Variants in ANKRD44 observed in about 807,000 individuals in gnomAD.
The protein encoded by ANKRD44 is serine/threonine-protein phosphatase 6 regulatory ankyrin repeat subunit B.
Under a neutral mutation model 116.0 loss-of-function variants are expected in ANKRD44, and 35 were observed. The observed-to-expected ratio is 0.30, with a 90% CI of 0.23 to 0.40. The LOEUF is 0.40. Among genes scored for constraint, ANKRD44 ranks in the 10% least tolerant of loss-of-function variants. The probability of loss-of-function intolerance (pLI) is 1.00; values close to 1 mark genes in which losing one functional copy is unlikely to be tolerated. For synonymous variants in ANKRD44, 435 were observed against 461.8 expected, an observed-to-expected ratio of 0.94 and a Z score of 0.74; for missense variants, 1,014 against 1,242.6, an observed-to-expected ratio of 0.82 and a Z score of 2.77.
intron 8 of ANKRD44, 42 bp from the exon 9 acceptor site, chr2:197,110,886 T>G (rs2078549157): frequency 1.4e-6 from 2 of 1,452,142 alleles, no homozygotes; most frequent in African/African-American, 2.8e-5. Flanking sequence ...GAGGTGCTCA[T>G]GAGCCAGTGA....
intron 4 of ANKRD44, among the ~76,000 whole-genome samples, chr2:197,133,638 G>C (rs1453009380): frequency 6.6e-6 from 1 of 152,128 alleles, no homozygotes; most frequent in African/African-American, 2.4e-5. Flanking sequence ...CTAAAGAACA[G>C]ACCTGTGCCA....
chr2:197,263,279 C>T (rs538955701), intron 1 of ANKRD44: 18 of 614,366 alleles, frequency 2.9e-5, no homozygotes, highest in Admixed American at 9.1e-5. Flanking sequence ...TGTCCCTGGC[C>T]GCAGCTTGGA....
chr2:197,310,458 C>G (rs2105942351), intron 1 of ANKRD44, 120 bp downstream of exon 1: 1 of 678,068 alleles, frequency 1.5e-6, no homozygotes, highest in African/African-American at 2.0e-5. Flanking sequence ...GCACACAGTC[C>G]TCCCCTTCGC....
At chr2:197,220,928 A>G (rs2125727358) in intron 1 of ANKRD44, among the ~76,000 whole-genome samples, 1 of 152,304 alleles carries the variant, frequency 6.6e-6, no homozygotes. Context: ...TACTCTCCTA[A>G]GTTAACATTA....
chr2:197,255,070 G>C (rs1574372710), intron 1 of ANKRD44, among the ~76,000 whole-genome samples: 1 of 152,234 alleles, frequency 6.6e-6, no homozygotes, highest in East Asian at 1.9e-4. Context: ...CAGAGAATGT[G>C]AGAAGGAGAT....
chr2:197,271,363 C>T (rs1376904887), intron 1 of ANKRD44, among the ~76,000 whole-genome samples: 2 of 152,154 alleles, frequency 1.3e-5, no homozygotes, highest in Admixed American at 6.5e-5. Context: ...AAGAAGGCAC[C>T]ATCTACAATG....
At chr2:197,040,602 C>T (rs1001451378) in intron 16 of ANKRD44, among the ~76,000 whole-genome samples, 2 of 152,084 alleles carry the variant, frequency 1.3e-5, no homozygotes, top group Non-Finnish European at 2.9e-5. Flanking sequence ...GTCTCGAACT[C>T]CTGACCTCAA....
chr2:197,094,289 G>A (rs928698543), intron 10 of ANKRD44, among the ~76,000 whole-genome samples: 4 of 152,162 alleles, frequency 2.6e-5, no homozygotes, highest in Non-Finnish European at 5.9e-5. Flanking sequence ...TTTGGCAAGT[G>A]CATAACGGTT....
chr2:197,196,017 T>C (rs77475940), intron 1 of ANKRD44, among the ~76,000 whole-genome samples: 2,545 of 152,316 alleles, frequency 0.017, 83 homozygotes, highest in African/African-American at 0.057. Flanking sequence ...AGGAGGTTAG[T>C]TCATACAGAA....
intron 1 of ANKRD44, among the ~76,000 whole-genome samples, chr2:197,240,487 G>C (rs1038953419): frequency 6.6e-6 from 1 of 151,542 alleles, no homozygotes; most frequent in Non-Finnish European, 1.5e-5. Context: ...AGAAAGAGCT[G>C]GGTAGGAAGC....
chr2:197,234,629 A>G (rs2081941110), intron 1 of ANKRD44, among the ~76,000 whole-genome samples: 1 of 152,196 alleles, frequency 6.6e-6, no homozygotes, highest in African/African-American at 2.4e-5. Flanking sequence ...TTTTAATAAC[A>G]AGGTTTTCTG....
intron 16 of ANKRD44, among the ~76,000 whole-genome samples, chr2:197,052,262 A>G (rs904140163): frequency 2.0e-5 from 3 of 152,226 alleles, no homozygotes; most frequent in Admixed American, 1.3e-4. Context: ...AGAATAAAAT[A>G]GACAACAGAT....
chr2:196,980,130 G>A lies in ANKRD44; in HGVS notation c.2369-12684C>T, dbSNP rs374707052. Among the ~76,000 whole-genome samples the A allele has an allele frequency of 6.2e-4, 95 of 152,204 alleles. 8 individuals carry two copies. The highest frequency in any genetic ancestry group is 5.0e-3 in the East Asian group (26 of 5,186). ...TTTCTCAATCTAATTTCTAGTGTTA[G>A]CTGTAACATCACAATGCAAGCACCC... On this transcript the variant is annotated intron_variant, in intron 21 of 21. Coordinates refer to the ANKRD44 transcript ENST00000424317.
chr2:197,266,249 T>G (rs759837920), intron 1 of ANKRD44, among the ~76,000 whole-genome samples: 1 of 152,062 alleles, frequency 6.6e-6, no homozygotes. Context: ...CCTTTCTGAT[T>G]AAGGACCAAA....
At chr2:197,129,378 G>A (rs1233844356) in intron 4 of ANKRD44, among the ~76,000 whole-genome samples, 4 of 152,068 alleles carry the variant, frequency 2.6e-5, no homozygotes, top group East Asian at 3.9e-4. Flanking sequence ...TCAGTGATCC[G>A]CCTGCCTCAG....
Position 197,043,948 on chromosome 2 carries a change from A to G in ANKRD44, c.1651-18681T>C, listed in dbSNP as rs1165838170. The stretch of plus-strand genomic sequence containing the variant: ...TCTAGTGCCAAAAATTAAAGTAATT[A>G]TACTAGAAGTGTGATTTTTATTTCT... On this transcript the variant is annotated intron_variant, in intron 16 of 27. Transcript: ENST00000282272. Among the ~76,000 whole-genome samples, 7 of 152,242 alleles carry G rather than the reference A, an allele frequency of 4.6e-5. 1 individual carries two copies. The highest frequency in any genetic ancestry group is 1.3e-4 in the Admixed American group (2 of 15,286).
intron 22 of ANKRD44, 38 bp from the exon 23 acceptor site, chr2:197,000,540 C>CT (rs758444665): frequency 6.6e-7 from 1 of 1,523,846 alleles, no homozygotes; most frequent in Non-Finnish European, 9.1e-7. Context: ...CAATCTCACT[C>CT]TTTTAAATTA....
chr2:197,155,902 G>A (rs1163244572), intron 2 of ANKRD44, among the ~76,000 whole-genome samples: 3 of 152,164 alleles, frequency 2.0e-5, no homozygotes, highest in Non-Finnish European at 4.4e-5. Context: ...GAACATATTT[G>A]TAAAGCATAT....
intron 2 of ANKRD44, among the ~76,000 whole-genome samples, chr2:197,151,225 C>A (rs1205396595): frequency 6.6e-6 from 1 of 151,744 alleles, no homozygotes; most frequent in Non-Finnish European, 1.5e-5. Context: ...ATCCAGTCAA[C>A]CTGGGACACC....
Sources: gnomAD v4.1 joint callset for allele counts (sites outside exome capture counted in the v4.1 genomes callset) on GRCh38, gnomAD v4.1.1 for gene constraint, MANE v1.5 for transcripts, NCBI Gene and HGNC (gene_info 2026-07-23, HGNC 2026-07-21) for gene names.